Variants in DMD observed in about 807,000 individuals in gnomAD.
The protein encoded by DMD is mutant dystrophin.
Under a neutral mutation model 330.1 loss-of-function variants are expected in DMD, and 63 were observed. That is an observed-to-expected ratio of 0.19 (90% CI 0.16 to 0.24). The LOEUF is 0.24. DMD is among the 10% of genes least tolerant of loss of function. DMD has a pLI of 1.00. For missense variants in DMD, 3,344 were observed against 2,684.1 expected (o/e 1.25, Z -5.43); for synonymous variants, 1,223 against 959.8 (o/e 1.27, Z -5.07).
At chrX:32,774,931 T>C (rs926769567) in intron 7 of DMD, among the ~76,000 whole-genome samples, 2 of 112,207 alleles carry the variant, frequency 1.8e-5, no homozygotes, top group Non-Finnish European at 3.8e-5. Context: ...TCTCTCTGCC[T>C]ACAAGCCTGT....
intron 61 of DMD, among the ~76,000 whole-genome samples, chrX:31,325,731 G>A (rs2056739204): frequency 9.0e-6 from 1 of 111,555 alleles, no homozygotes; most frequent in African/African-American, 3.3e-5. Flanking sequence ...ACATGGTGGA[G>A]AGCCAGAAAT....
At chrX:32,941,538 G>T (rs1602092281) in intron 2 of DMD, among the ~76,000 whole-genome samples, 2 of 111,400 alleles carry the variant, frequency 1.8e-5, no homozygotes, top group Admixed American at 1.9e-4. Flanking sequence ...TATCCTAGGC[G>T]AATTCATGCA....
intron 42 of DMD, among the ~76,000 whole-genome samples, chrX:32,299,295 A>G (rs1156823400): frequency 2.7e-5 from 3 of 110,869 alleles, no homozygotes; most frequent in Non-Finnish European, 5.7e-5. Context: ...CCTGACCAAA[A>G]TCCATCCATG....
intron 44 of DMD, among the ~76,000 whole-genome samples, chrX:32,151,101 TA>T (rs762391538): frequency 9.0e-6 from 1 of 111,669 alleles, no homozygotes; most frequent in Non-Finnish European, 1.9e-5. Flanking sequence ...AAAGAAAGTT[TA>T]AAAAAAGAAA....
chrX:31,270,991 A>G (rs1270670375), intron 62 of DMD, among the ~76,000 whole-genome samples: 1 of 111,772 alleles, frequency 8.9e-6, no homozygotes, highest in Non-Finnish European at 1.9e-5. Flanking sequence ...CTTTGGAATC[A>G]CTCAGGGATT....
In DMD at chrX:33,203,487, T is replaced by C. The variant is rs556870342; in HGVS notation, c.31+7795A>G. Among the ~76,000 whole-genome samples, 33 of 111,352 alleles carry C rather than the reference T, an allele frequency of 3.0e-4. No individual in the cohort carries two copies. The South Asian group carries it at 0.011, about 37-fold the overall frequency. On this transcript the variant is annotated intron_variant, in intron 1 of 78. Coordinates refer to ENST00000357033, the MANE Select transcript of DMD (RefSeq NM_004006.3). ...TTGGTAATATTCACAGAAATAGCAA[T>C]ATGGGAGGAAATTAGGGGTAAATAG... is the stretch of plus-strand genomic sequence containing the variant.
intron 60 of DMD, among the ~76,000 whole-genome samples, chrX:31,387,393 AAATT>A (rs2060492935): frequency 9.0e-6 from 1 of 110,931 alleles, no homozygotes; most frequent in African/African-American, 3.3e-5. Flanking sequence ...CATGATATGT[AAATT>A]AATTCTTTTT....
chrX:32,397,736 G>C (rs1344783077), intron 30 of DMD, among the ~76,000 whole-genome samples: 1 of 111,245 alleles, frequency 9.0e-6, no homozygotes, highest in Admixed American at 9.6e-5. Flanking sequence ...TGAGCAGAGA[G>C]CAGGGCTGTT....
intron 36 of DMD, 87 bp downstream of exon 36, chrX:32,364,495 A>G (rs537880626): frequency 2.0e-5 from 21 of 1,046,401 alleles, no homozygotes; most frequent in African/African-American, 1.1e-4. Context: ...TACTCTTATT[A>G]AGACGTCCTT....
intron 74 of DMD, among the ~76,000 whole-genome samples, chrX:31,161,983 A>G (rs1346273861): frequency 9.1e-6 from 1 of 109,666 alleles, no homozygotes; most frequent in Non-Finnish European, 1.9e-5. Flanking sequence ...TCAGACTGGA[A>G]AACTCCCATT....
chrX:33,036,050 A>G (rs1271091244), intron 1 of DMD, among the ~76,000 whole-genome samples: 1 of 111,902 alleles, frequency 8.9e-6, no homozygotes, highest in Non-Finnish European at 1.9e-5. Context: ...TCATTGTTTG[A>G]GTAACCTAGC....
intron 7 of DMD, among the ~76,000 whole-genome samples, chrX:32,708,766 ACT>A (rs1439097976): frequency 3.6e-5 from 4 of 111,195 alleles, no homozygotes; most frequent in African/African-American, 1.3e-4. Flanking sequence ...CACTGATGTG[ACT>A]CTCTCAGCAC....
chrX:31,789,582 G>A (rs1400857211), intron 50 of DMD, among the ~76,000 whole-genome samples: 1 of 111,112 alleles, frequency 9.0e-6, no homozygotes, highest in African/African-American at 3.2e-5. Flanking sequence ...TAATTACAAA[G>A]TCCAGAATGG....
chrX:31,135,200 C>T (rs1276939132), intron 76 of DMD, among the ~76,000 whole-genome samples: 1 of 112,105 alleles, frequency 8.9e-6, no homozygotes, highest in Non-Finnish European at 1.9e-5. Context: ...GTGCTGTCTC[C>T]TCAACACAAA....
intron 19 of DMD, among the ~76,000 whole-genome samples, chrX:32,499,914 A>T (rs1603634922): frequency 9.0e-6 from 1 of 111,717 alleles, no homozygotes; most frequent in Middle Eastern, 4.6e-3. Context: ...AACGGAACAA[A>T]TAGATAAGTT....
chrX:31,968,471 G>T lies in DMD; in HGVS notation c.6482C>A (p.Thr2161Lys). 7 of 1,210,590 alleles carry T rather than the reference G, an allele frequency of 5.8e-6. No homozygotes were observed. The highest frequency in any genetic ancestry group is 7.8e-6 in the Non-Finnish European group (7 of 894,855). ...GIGQRQTVVR[T>K]LNATGEEIIQ... Reference sequence around the variant, plus strand: ...TATTTCTTCCCCAGTTGCATTCAATGTTCTGACAACAGTTTGCCGCTGCCC... The same window carrying T: ...TATTTCTTCCCCAGTTGCATTCAATTTTCTGACAACAGTTTGCCGCTGCCC... The change falls in exon 45 of 79, where the codon ACA (threonine) becomes AAA (lysine). Residue 2161 changes from threonine (T) to lysine (K), a missense_variant. Transcript: ENST00000357033.
At chrX:31,814,375 G>C (rs896455812) in intron 50 of DMD, among the ~76,000 whole-genome samples, 1 of 104,344 alleles carries the variant, frequency 9.6e-6, no homozygotes, top group Non-Finnish European at 2.0e-5. Flanking sequence ...CCCAGCTACG[G>C]GGGAGGCTGA....
chrX:33,091,776 G>A (rs1254489286), intron 1 of DMD, among the ~76,000 whole-genome samples: 2 of 111,413 alleles, frequency 1.8e-5, no homozygotes, highest in Non-Finnish European at 3.8e-5. Flanking sequence ...GCAGCTAAAA[G>A]GTTCTTCAAA....
intron 45 of DMD, among the ~76,000 whole-genome samples, chrX:31,948,697 T>C (rs752829772): frequency 3.1e-4 from 35 of 111,378 alleles, no homozygotes; most frequent in Non-Finnish European, 5.5e-4. Context: ...TGGAGAAATA[T>C]ATATTTAAAT....
Sources: gnomAD v4.1 joint callset for allele counts (sites outside exome capture counted in the v4.1 genomes callset) on GRCh38, gnomAD v4.1.1 for gene constraint, MANE v1.5 for transcripts, NCBI Gene and HGNC (gene_info 2026-07-23, HGNC 2026-07-21) for gene names.